GPC6: variants seen among roughly 807,000 people sequenced by gnomAD.
GPC6 encodes glypican 6.
A neutral mutation model predicts 55.2 loss-of-function variants in GPC6; 14 were observed. That is an observed-to-expected ratio of 0.25 (90% CI 0.17 to 0.40). The LOEUF (loss-of-function observed/expected upper bound fraction) is 0.40, where lower values mean the gene tolerates loss of function less well. GPC6 is among the 10% of genes least tolerant of loss of function. GPC6 has a pLI of 1.00. For missense variants in GPC6, 641 were observed against 708.5 expected (o/e 0.90, Z 1.08); for synonymous variants, 278 against 259.6 (o/e 1.07, Z -0.68).
At position 94,014,084 on chromosome 13, in the gene GPC6, A is replaced by G. The variant is rs142029824; in HGVS notation, c.712-13645A>G. 1.0e-3 allele frequency among the ~76,000 whole-genome samples: 156 copies of G among 152,302 alleles called. 1 individual carries two copies. The highest frequency in any genetic ancestry group is 3.7e-3 in the African/African-American group (154 of 41,574). On this transcript the variant is annotated intron_variant, in intron 3 of 8. Transcript: ENST00000377047. ...TCCTTCAGGCTCTGATTTACAATTC[A>G]TAATTGTTTCCTGTCTTATCCTTGT...
chr13:93,341,925 T>C (rs1245655422), intron 1 of GPC6, among the ~76,000 whole-genome samples: 6 of 151,546 alleles, frequency 4.0e-5, no homozygotes, highest in African/African-American at 2.4e-5. Context: ...TTCTTTCTTT[T>C]TTTTTTTTTA....
chr13:93,267,833 T>A (rs768844589), intron 1 of GPC6, among the ~76,000 whole-genome samples: 1 of 152,124 alleles, frequency 6.6e-6, no homozygotes, highest in Non-Finnish European at 1.5e-5. Flanking sequence ...AGATTTTATA[T>A]TTTTTTAGGG....
At chr13:93,905,825 C>T (rs1437006384) in intron 3 of GPC6, among the ~76,000 whole-genome samples, 2 of 152,058 alleles carry the variant, frequency 1.3e-5, no homozygotes, top group African/African-American at 2.4e-5. Flanking sequence ...AGCAGAAAAA[C>T]CCAGGCAAAG....
chr13:94,042,076 C>G (rs1446946664), intron 4 of GPC6, among the ~76,000 whole-genome samples: 1 of 151,756 alleles, frequency 6.6e-6, no homozygotes, highest in Non-Finnish European at 1.5e-5. Context: ...ACACCATCAC[C>G]GTTGCTACTG....
At chr13:94,297,243 A>G (rs951228601) in intron 5 of GPC6, among the ~76,000 whole-genome samples, 4 of 152,158 alleles carry the variant, frequency 2.6e-5, no homozygotes, top group Non-Finnish European at 5.9e-5. Flanking sequence ...GACGTGTCCA[A>G]TTGGCATATC....
chr13:93,635,248 T>G (rs1879644826), intron 2 of GPC6, among the ~76,000 whole-genome samples: 1 of 152,130 alleles, frequency 6.6e-6, no homozygotes, highest in Non-Finnish European at 1.5e-5. Flanking sequence ...TCTTATTTTA[T>G]GAGAATTCAT....
chr13:93,952,419 A>C (rs867106786), intron 3 of GPC6, among the ~76,000 whole-genome samples: 22 of 152,228 alleles, frequency 1.4e-4, no homozygotes, highest in Non-Finnish European at 2.5e-4. Context: ...AATTGTGAAA[A>C]ATGTATATAA....
chr13:93,290,599 C>A (rs1878287154), intron 1 of GPC6, among the ~76,000 whole-genome samples: 1 of 152,094 alleles, frequency 6.6e-6, no homozygotes, highest in Non-Finnish European at 1.5e-5. Flanking sequence ...TCCCCTTCCC[C>A]TCCCCATTAC....
intron 1 of GPC6, among the ~76,000 whole-genome samples, chr13:93,454,168 T>G (rs61964188): frequency 9.5e-5 from 14 of 147,150 alleles, no homozygotes; most frequent in East Asian, 4.2e-4. Context: ...AGGGTGCTGA[T>G]TGGTGTGTTT....
At chr13:93,523,462 T>TATA (rs34907784) in intron 1 of GPC6, among the ~76,000 whole-genome samples, 133,133 of 151,380 alleles carry the variant, frequency 0.88, 58,932 homozygotes, top group Middle Eastern at 0.92. Context: ...CATACACACA[T>TATA]ATGACATTTT....
At chr13:93,839,870 A>G (rs1331520626) in intron 3 of GPC6, among the ~76,000 whole-genome samples, 1 of 152,146 alleles carries the variant, frequency 6.6e-6, no homozygotes, top group Non-Finnish European at 1.5e-5. Context: ...TCGGTTAGCT[A>G]GTATTTAGTT....
intron 4 of GPC6, among the ~76,000 whole-genome samples, chr13:94,029,347 T>A (rs1291374324): frequency 6.6e-6 from 1 of 152,242 alleles, no homozygotes; most frequent in Non-Finnish European, 1.5e-5. Flanking sequence ...AAGGAATTTT[T>A]AAAAGTTAAT....
At chr13:93,222,906 TTGTC>T (rs1231443024), upstream of GPC6, among the ~76,000 whole-genome samples, 2 of 152,168 alleles carry the variant, frequency 1.3e-5, no homozygotes, top group East Asian at 3.8e-4. Flanking sequence ...TCCATTGTCA[TTGTC>T]TGTCTTCTAG....
At chr13:93,724,187 C>A (rs1400894630) in intron 2 of GPC6, among the ~76,000 whole-genome samples, 1 of 151,822 alleles carries the variant, frequency 6.6e-6, no homozygotes, top group Non-Finnish European at 1.5e-5. Flanking sequence ...TAAATTTTCC[C>A]ATGTAGGGAC....
chr13:94,164,739 C>G (rs1173292355), intron 4 of GPC6, among the ~76,000 whole-genome samples: 2 of 152,072 alleles, frequency 1.3e-5, no homozygotes, highest in African/African-American at 2.4e-5. Flanking sequence ...ACTATTATCT[C>G]TCACTCTGCT....
intron 2 of GPC6, among the ~76,000 whole-genome samples, chr13:93,585,257 A>G (rs551041045): frequency 5.9e-5 from 9 of 152,280 alleles, no homozygotes; most frequent in Admixed American, 5.9e-4. Flanking sequence ...ATGAAAAACA[A>G]TCTCTTTTTC....
chr13:93,727,632 C>T (rs1404718262), intron 2 of GPC6, among the ~76,000 whole-genome samples: 1 of 152,148 alleles, frequency 6.6e-6, no homozygotes, highest in Non-Finnish European at 1.5e-5. Flanking sequence ...CAAAACCAAG[C>T]ATGAAACCAG....
intron 1 of GPC6, among the ~76,000 whole-genome samples, chr13:93,487,485 A>G (rs897503397): frequency 1.3e-5 from 2 of 152,200 alleles, no homozygotes; most frequent in African/African-American, 4.8e-5. Flanking sequence ...TGCTGTTATT[A>G]TCTGAAGGAA....
chr13:93,971,657 A>T (rs1224273354), intron 3 of GPC6, among the ~76,000 whole-genome samples: 1 of 152,220 alleles, frequency 6.6e-6, no homozygotes, highest in Non-Finnish European at 1.5e-5. Flanking sequence ...AGGAAAGTGT[A>T]ACTTAAGATG....
Sources: gnomAD v4.1 joint callset for allele counts (sites outside exome capture counted in the v4.1 genomes callset) on GRCh38, gnomAD v4.1.1 for gene constraint, MANE v1.5 for transcripts, NCBI Gene and HGNC (gene_info 2026-07-23, HGNC 2026-07-21) for gene names.